PRKAA1: variants seen among roughly 807,000 people sequenced by gnomAD.
PRKAA1 encodes the protein protein kinase AMP-activated catalytic subunit alpha 1.
Under a neutral mutation model 56.9 loss-of-function variants are expected in PRKAA1, and 23 were observed. That is an observed-to-expected ratio of 0.40 (90% CI 0.29 to 0.57). PRKAA1 has a LOEUF of 0.57. PRKAA1 is among the 20% of genes least tolerant of loss of function. PRKAA1 has a pLI of 0.39. For synonymous variants in PRKAA1, 226 were observed against 227.0 expected (o/e 1.00, Z 0.04); for missense variants, 413 against 679.7 (o/e 0.61, Z 4.36).
At chr5:40,777,676 G>A (rs1228526626) in intron 1 of PRKAA1, 90 bp from the exon 2 acceptor site, 13 of 1,271,220 alleles carry the variant, frequency 1.0e-5, no homozygotes, top group Non-Finnish European at 1.4e-5. Context: ...GCTCATGCCT[G>A]TAATCCCAGC....
chr5:40,778,829 C>G (rs548401690), intron 1 of PRKAA1, among the ~76,000 whole-genome samples: 1 of 130,364 alleles, frequency 7.7e-6, no homozygotes, highest in African/African-American at 3.0e-5. Flanking sequence ...CTCTATCACC[C>G]AGGGTGGAGT....
intron 8 of PRKAA1, 143 bp from the exon 9 acceptor site, chr5:40,763,165 A>C (rs552546879): frequency 1.8e-5 from 14 of 768,106 alleles, no homozygotes; most frequent in African/African-American, 1.8e-4. Flanking sequence ...TAAAACAGTC[A>C]ATGAGCCTGT....
At position 40,775,407 on chromosome 5, in the gene PRKAA1, T is replaced by C; in HGVS notation, c.363+3A>G. Reference sequence around the variant, plus strand: ...CATACAGAATTAAAGCAGAACAGCTTACCCTTCCATTCTTACAGATATAAT... The same window carrying C: ...CATACAGAATTAAAGCAGAACAGCTCACCCTTCCATTCTTACAGATATAAT... On this transcript the variant is annotated splice_donor_region_variant and intron_variant, in intron 3 of 8. Coordinates refer to ENST00000397128, the MANE Select transcript of PRKAA1 (RefSeq NM_006251.6). 2 of 1,580,986 alleles carry C rather than the reference T, an allele frequency of 1.3e-6. No individual in the cohort carries two copies. Among genetic ancestry groups the C allele is most frequent in the Non-Finnish European group, 1.7e-6 (2 of 1,150,124 alleles).
At chr5:40,797,965 G>A (rs988854658) in intron 1 of PRKAA1, 98 bp downstream of exon 1, 68 of 1,519,262 alleles carry the variant, frequency 4.5e-5, no homozygotes, top group Admixed American at 9.1e-5. Context: ...GCCCTGGAAA[G>A]AAGGGACGCA....
At chr5:40,780,065 A>C (rs551034805) in intron 1 of PRKAA1, among the ~76,000 whole-genome samples, 1 of 152,128 alleles carries the variant, frequency 6.6e-6, no homozygotes, top group Non-Finnish European at 1.5e-5. Flanking sequence ...GAGCTTTCTT[A>C]TATTTTTCAC....
chr5:40,765,067 C>T lies in PRKAA1; in HGVS notation c.993G>A (p.Leu331=). 1 of 1,614,144 alleles carries T rather than the reference C, an allele frequency of 6.2e-7. No homozygotes were observed. Among genetic ancestry groups the T allele is most frequent in the Non-Finnish European group, 8.5e-7 (1 of 1,180,014 alleles). The change falls in exon 7 of 9, where the codon TTG becomes TTA. Residue 331 remains leucine, a synonymous_variant. Coordinates refer to ENST00000397128, the MANE Select transcript of PRKAA1 (RefSeq NM_006251.6). ...CLYNRNHQDP[L]AVAYHLIIDN... The stretch of plus-strand genomic sequence containing the variant: ...CTATTATGAGATGGTAGGCAACTGC[C>T]AAAGGATCCTGGTGATTTCTGTTGT...
chr5:40,764,410 G>A, intron 8 of PRKAA1, 104 bp downstream of exon 8: 1 of 1,115,082 alleles, frequency 9.0e-7, no homozygotes, highest in African/African-American at 1.6e-5. Flanking sequence ...TTCCTTTGCA[G>A]TTGAATTACT....
In PRKAA1 at chr5:40,767,472, T is replaced by C. The variant is rs748853620; in HGVS notation, c.815A>G (p.Asp272Gly). The change falls in exon 6 of 9, where the codon GAT becomes GGT. Residue 272 changes from aspartate to glycine, a missense_variant. Asp to Gly is a moderately conservative substitution (Grantham distance 94, BLOSUM62 -1). Transcript: ENST00000397128. ...VDPMKRATIK[D>G]IREHEWFKQD... ...TTCCAAACTGCTTTATTACCTGATA[T>C]CTTTGATTGTGGCCCTCTTCATGGG... is the stretch of plus-strand genomic sequence containing the variant. 1.7e-5 allele frequency: 28 copies of C among 1,606,934 alleles called. No homozygotes were observed. Among genetic ancestry groups the C allele is most frequent in the Non-Finnish European group, 2.4e-5 (28 of 1,173,812 alleles).
rs766717729 is a variant in PRKAA1 at position 40,764,702 on chromosome 5, CTA to C, written c.1308+48_1308+49del. The C allele has an allele frequency of 1.8e-5, 29 of 1,604,086 alleles. 1 individual carries two copies. Among genetic ancestry groups the C allele is most frequent in the Non-Finnish European group, 2.2e-5 (26 of 1,173,662 alleles). On this transcript the variant is annotated intron_variant, in intron 7 of 8. Coordinates refer to ENST00000397128, the MANE Select transcript of PRKAA1 (RefSeq NM_006251.6). ...ATTCTTCTATAAAACATTTTATAGACTATGGGTTTGCCAAATATGCTAATAAT... is the reference window on the plus strand; with the variant it reads ...ATTCTTCTATAAAACATTTTATAGACTGGGTTTGCCAAATATGCTAATAAT...
chr5:40,797,687 G>A (rs375942774), intron 1 of PRKAA1, among the ~76,000 whole-genome samples: 1 of 152,246 alleles, frequency 6.6e-6, no homozygotes, highest in Non-Finnish European at 1.5e-5. Flanking sequence ...CACAACCCGG[G>A]CGCACAAGAT....
intron 1 of PRKAA1, among the ~76,000 whole-genome samples, chr5:40,777,854 C>T (rs1438093282): frequency 6.6e-6 from 1 of 152,102 alleles, no homozygotes; most frequent in African/African-American, 2.4e-5. Flanking sequence ...GGGCAGATCA[C>T]CTGAGATCAG....
chr5:40,779,815 T>G (rs1284437274), intron 1 of PRKAA1, among the ~76,000 whole-genome samples: 2 of 152,136 alleles, frequency 1.3e-5, no homozygotes, highest in Non-Finnish European at 2.9e-5. Context: ...CTGAGCAAGT[T>G]TCAACATTTT....
chr5:40,771,238 G>A (rs973162876), intron 4 of PRKAA1, among the ~76,000 whole-genome samples: 2 of 152,192 alleles, frequency 1.3e-5, no homozygotes, highest in African/African-American at 2.4e-5. Context: ...AGGTGCAGTG[G>A]TGCACACCTG....
At chr5:40,766,045 T>C (rs1169016483) in intron 6 of PRKAA1, among the ~76,000 whole-genome samples, 1 of 152,192 alleles carries the variant, frequency 6.6e-6, no homozygotes, top group South Asian at 2.1e-4. Flanking sequence ...TTTCTAAGTT[T>C]TTTCAATTGT....
At chr5:40,774,761 A>T (rs1365487684) in intron 3 of PRKAA1, among the ~76,000 whole-genome samples, 1 of 152,176 alleles carries the variant, frequency 6.6e-6, no homozygotes, top group African/African-American at 2.4e-5. Flanking sequence ...TTTCAGGGCT[A>T]GCTACAGCTC....
intron 5 of PRKAA1, chr5:40,768,486 A>AT (rs1743575906): frequency 2.1e-6 from 2 of 933,408 alleles, no homozygotes; most frequent in Non-Finnish European, 2.6e-6. Flanking sequence ...AGACAACACC[A>AT]TTTTTTTAAA....
intron 6 of PRKAA1, among the ~76,000 whole-genome samples, chr5:40,766,694 C>G (rs901189225): frequency 1.3e-5 from 2 of 152,094 alleles, no homozygotes; most frequent in African/African-American, 4.8e-5. Flanking sequence ...CACAAATTTA[C>G]TACTGAAAAG....
At chr5:40,774,951 C>T (rs777061990) in intron 3 of PRKAA1, 1 of 1,605,364 alleles carries the variant, frequency 6.2e-7, no homozygotes, top group East Asian at 2.2e-5. Flanking sequence ...CCTGTTTTTA[C>T]TACTCCAGGT....
intron 1 of PRKAA1, among the ~76,000 whole-genome samples, chr5:40,786,284 GA>G (rs551200228): frequency 6.9e-4 from 104 of 151,082 alleles, no homozygotes; most frequent in African/African-American, 2.3e-3. Context: ...GCAGCAGCTG[GA>G]AGAGGCAAGG....
Sources: gnomAD v4.1 joint callset for allele counts (sites outside exome capture counted in the v4.1 genomes callset) on GRCh38, gnomAD v4.1.1 for gene constraint, MANE v1.5 for transcripts, NCBI Gene and HGNC (gene_info 2026-07-23, HGNC 2026-07-21) for gene names.